PCDHGA1: variants seen among roughly 807,000 people sequenced by gnomAD.
PCDHGA1 encodes protocadherin gamma subfamily A, 1.
A neutral mutation model predicts 58.0 loss-of-function variants in PCDHGA1; 32 were observed. The observed-to-expected ratio is 0.55, with a 90% CI of 0.42 to 0.74. The LOEUF (loss-of-function observed/expected upper bound fraction) is 0.74. PCDHGA1 is among the 30% of genes least tolerant of loss of function. The pLI, the probability that PCDHGA1 is intolerant of heterozygous loss-of-function variation, is 0.00. For synonymous variants in PCDHGA1, 498 were observed against 501.1 expected (o/e 0.99, Z 0.08); for missense variants, 1,205 against 1,182.3 (o/e 1.02, Z -0.28).
Position 141,491,722 on chromosome 5 carries a change from C to G in PCDHGA1, c.2422-3085C>G, listed in dbSNP as rs1276921909. ...CCAGGTGAGGGGCTCGGCGCCGCCC[C>G]GGGCGACCCCTGGGGGCGGCACTGG... On this transcript the variant is annotated intron_variant, in intron 1 of 3. Transcript: ENST00000517417. This position sits in a 1 kb window ranked among gnomAD's most constrained non-coding sequence, Gnocchi z 6.9. 2 of 1,607,004 alleles carry G rather than the reference C, an allele frequency of 1.2e-6. No homozygotes were observed. The highest frequency in any genetic ancestry group is 1.7e-5 in the Admixed American group (1 of 58,788).
In PCDHGA1 at chr5:141,351,812, C is replaced by T. The variant is rs572024020; in HGVS notation, c.2421+18707C>T. The T allele has an allele frequency of 1.4e-5, 23 of 1,613,190 alleles. No individual in the cohort carries two copies. Among genetic ancestry groups the T allele is most frequent in the Non-Finnish European group, 1.7e-5 (20 of 1,179,878 alleles). ...GGTGTTCGCGCAGCGCGCCTTCGAC[C>T]ACGAGCAGCTGCGCGCCTTCGAGCT... On this transcript the variant is annotated intron_variant, in intron 1 of 3. Coordinates refer to ENST00000517417, the MANE Select transcript of PCDHGA1 (RefSeq NM_018912.3).
In PCDHGA1 at chr5:141,432,512, G is replaced by A. The variant is rs751785850; in HGVS notation, c.2422-62295G>A. ...GCTGGCTCCCCGCTCCGCAGAGCCC[G>A]GCTACCTGGTGACCAAGGTGGTGGC... On this transcript the variant is annotated intron_variant, in intron 1 of 3. Transcript: ENST00000517417. The surrounding 1 kb of genome is among the most constrained non-coding windows in gnomAD (Gnocchi z 6.0). 3 of 1,614,108 alleles carry A rather than the reference G, an allele frequency of 1.9e-6. No homozygotes were observed. Among genetic ancestry groups the A allele is most frequent in the Non-Finnish European group, 2.5e-6 (3 of 1,180,030 alleles).
Position 141,491,273 on chromosome 5 carries a change from G to A in PCDHGA1, c.2422-3534G>A. ...GACCCTGAGGAAATGCCCAAATCCA[G>A]TGACTTCCTCATACACCCTCCTGAG... On this transcript the variant is annotated intron_variant, in intron 1 of 3. Coordinates refer to ENST00000517417, the MANE Select transcript of PCDHGA1 (RefSeq NM_018912.3). This position sits in a 1 kb window ranked among gnomAD's most constrained non-coding sequence, Gnocchi z 6.9. The A allele has an allele frequency of 6.2e-7, 1 of 1,614,182 alleles. No individual in the cohort carries two copies. Among genetic ancestry groups the A allele is most frequent in the South Asian group, 1.1e-5 (1 of 91,082 alleles).
intron 1 of PCDHGA1, chr5:141,416,112 T>C (rs555358881): frequency 6.4e-6 from 1 of 156,492 alleles, no homozygotes; most frequent in Non-Finnish European, 1.4e-5. Context: ...TTTTTCAAAC[T>C]ACATTTTATA....
At chr5:141,404,791 G>A (rs747844350) in intron 1 of PCDHGA1, 2 of 1,613,932 alleles carry the variant, frequency 1.2e-6, no homozygotes, top group Non-Finnish European at 8.5e-7. Flanking sequence ...AGGCCAGTGA[G>A]CCAGGGCTCT....
rs369352283 is a variant in PCDHGA1 at position 141,374,184 on chromosome 5, C to T, written c.2421+41079C>T. On this transcript the variant is annotated intron_variant, in intron 1 of 3. Coordinates refer to ENST00000517417, the MANE Select transcript of PCDHGA1 (RefSeq NM_018912.3). ...GCCGCGGCAGCGCAGATCCGCTACTCTATTCCCGAGGAGCTGGAGAAAGGC... is the reference window on the plus strand; with the variant it reads ...GCCGCGGCAGCGCAGATCCGCTACTTTATTCCCGAGGAGCTGGAGAAAGGC... The T allele has an allele frequency of 5.0e-6, 8 of 1,613,676 alleles. No homozygotes were observed. In the East Asian group the frequency reaches 1.1e-4, roughly 22 times the overall value.
intron 1 of PCDHGA1, chr5:141,340,049 T>C: frequency 1.2e-6 from 2 of 1,614,096 alleles, no homozygotes; most frequent in Non-Finnish European, 1.7e-6. Context: ...TTCTGAAGAC[T>C]CTCTTCCAGG....
chr5:141,345,119 T>G (rs1447793280), intron 1 of PCDHGA1: 1 of 1,614,002 alleles, frequency 6.2e-7, no homozygotes, highest in South Asian at 1.1e-5. Context: ...AGGGCACCGT[T>G]GGAAGAGAAA....
At chr5:141,484,789 A>T (rs1215899787) in intron 1 of PCDHGA1, among the ~76,000 whole-genome samples, 1 of 152,132 alleles carries the variant, frequency 6.6e-6, no homozygotes, top group Non-Finnish European at 1.5e-5. Flanking sequence ...CCACAGAGAT[A>T]ACAACCCGTG....
chr5:141,415,105 C>T (rs1472993181), intron 1 of PCDHGA1: 1 of 1,613,652 alleles, frequency 6.2e-7, no homozygotes, highest in African/African-American at 1.3e-5. Flanking sequence ...CGCGCTCAAG[C>T]AAAGCCTCGT....
chr5:141,404,973 A>T, intron 1 of PCDHGA1: 1 of 1,613,952 alleles, frequency 6.2e-7, no homozygotes, highest in South Asian at 1.1e-5. Flanking sequence ...ATCCTGGCTG[A>T]CCTGGGCAGT....
chr5:141,409,258 C>G (rs2095247947), intron 1 of PCDHGA1: 2 of 1,613,918 alleles, frequency 1.2e-6, no homozygotes, highest in Non-Finnish European at 8.5e-7. Flanking sequence ...TCACTTCTCT[C>G]TCTGATCAGA....
chr5:141,439,716 C>T (rs2098127719), intron 1 of PCDHGA1: 1 of 152,476 alleles, frequency 6.6e-6, no homozygotes, highest in Non-Finnish European at 1.5e-5. Flanking sequence ...CCTAGTTCTA[C>T]AAATTATAAG....
intron 1 of PCDHGA1, among the ~76,000 whole-genome samples, chr5:141,445,248 T>C (rs1264046214): frequency 6.6e-6 from 1 of 152,224 alleles, no homozygotes; most frequent in African/African-American, 2.4e-5. Flanking sequence ...CACTATATTG[T>C]GTGAGAATAT....
intron 1 of PCDHGA1, among the ~76,000 whole-genome samples, chr5:141,465,119 A>T (rs2099097382): frequency 6.6e-6 from 1 of 151,780 alleles, no homozygotes; most frequent in Non-Finnish European, 1.5e-5. Flanking sequence ...GTTTTAGCCT[A>T]AATTTGTAAA....
chr5:141,413,895 T>A (rs749075692), intron 1 of PCDHGA1: 2 of 1,613,308 alleles, frequency 1.2e-6, no homozygotes, highest in South Asian at 2.2e-5. Flanking sequence ...TCGATGCAAA[T>A]GACAACGCGC....
rs1165142153 is a variant in PCDHGA1 at position 141,402,786 on chromosome 5, G to A, written c.2421+69681G>A. On this transcript the variant is annotated intron_variant, in intron 1 of 3. Transcript: ENST00000517417. ...ACTCCATCCGGATTTCCAGTTCTGC[G>A]GCTACACAAAACCCGGCAGATACCA... 3.3e-6 allele frequency: 3 copies of A among 907,574 alleles called. No homozygotes were observed. The African/African-American group carries it at 5.0e-5, about 15-fold the overall frequency. 56.2% of individuals were successfully genotyped at this position (907,574 alleles called of 1,614,324 possible).
intron 1 of PCDHGA1, among the ~76,000 whole-genome samples, chr5:141,382,440 G>T (rs1184288404): frequency 6.6e-6 from 1 of 152,174 alleles, no homozygotes; most frequent in Non-Finnish European, 1.5e-5. Flanking sequence ...TCACTTGAAA[G>T]TTGCAAGGCA....
intron 1 of PCDHGA1, among the ~76,000 whole-genome samples, chr5:141,456,244 T>C (rs1382294283): frequency 6.6e-6 from 1 of 152,144 alleles, no homozygotes; most frequent in East Asian, 1.9e-4. Context: ...GTTAGGAGGC[T>C]TTGGGCGACC....
Sources: allele counts gnomAD v4.1 joint callset (sites outside exome capture counted in the v4.1 genomes callset), GRCh38; gene constraint gnomAD v4.1.1; non-coding constraint Gnocchi (gnomAD v3.1); transcripts MANE v1.5; gene names NCBI Gene and HGNC (gene_info 2026-07-23, HGNC 2026-07-21).